The following SSBP3 variants were observed in gnomAD, a reference collection of about 807,000 sequenced individuals.
SSBP3 encodes single stranded DNA binding protein 3.
SSBP3 carries 5 observed loss-of-function variants against 69.6 expected under a neutral mutation model. That is an observed-to-expected ratio of 0.07 (90% CI 0.04 to 0.15). SSBP3 has a LOEUF of 0.15. SSBP3 is among the 10% of genes least tolerant of loss of function. SSBP3 has a pLI of 1.00. For synonymous variants in SSBP3, 196 were observed against 193.4 expected (o/e 1.01, Z -0.11); for missense variants, 312 against 534.0 (o/e 0.58, Z 4.10).
chr1:54,238,162 G>A (rs961534082), intron 14 of SSBP3: 1 of 470,950 alleles, frequency 2.1e-6, no homozygotes, highest in Non-Finnish European at 4.4e-6. Context: ...TCAGAGGGCT[G>A]CTGGATGTAG....
chr1:54,296,007 A>G (rs539707622), intron 4 of SSBP3, among the ~76,000 whole-genome samples: 5 of 152,244 alleles, frequency 3.3e-5, no homozygotes, highest in Non-Finnish European at 7.3e-5. Context: ...GTGGAATCCA[A>G]ATATTTGTAA....
intron 10 of SSBP3, 32 bp downstream of exon 10, chr1:54,243,203 C>CT: frequency 6.2e-7 from 1 of 1,610,442 alleles, no homozygotes; most frequent in Non-Finnish European, 8.5e-7. Context: ...GACCTGGACT[C>CT]TGAGCCACGG....
At chr1:54,297,623 T>G (rs1645725269) in intron 4 of SSBP3, among the ~76,000 whole-genome samples, 2 of 152,046 alleles carry the variant, frequency 1.3e-5, no homozygotes, top group Non-Finnish European at 2.9e-5. Context: ...AGAGTGAGAC[T>G]TTGTCTCAAA....
intron 12 of SSBP3, 142 bp from the exon 13 acceptor site, chr1:54,241,101 C>T: frequency 2.3e-6 from 2 of 879,242 alleles, no homozygotes; most frequent in South Asian, 3.5e-5. Context: ...CCAGCGCTCA[C>T]TCAAAGTACT....
chr1:54,278,303 T>C (rs1645328285), intron 5 of SSBP3, among the ~76,000 whole-genome samples: 1 of 150,908 alleles, frequency 6.6e-6, no homozygotes, highest in Non-Finnish European at 1.5e-5. Flanking sequence ...ATATGCCAGG[T>C]GCTGGGGATG....
chr1:54,374,210 G>T (rs924995784), intron 4 of SSBP3, among the ~76,000 whole-genome samples: 3 of 152,228 alleles, frequency 2.0e-5, no homozygotes, highest in Admixed American at 1.3e-4. Context: ...AGGTGCGCGG[G>T]AATGTGTGCG....
intron 4 of SSBP3, among the ~76,000 whole-genome samples, chr1:54,302,513 T>A (rs560069504): frequency 6.4e-4 from 98 of 152,266 alleles, no homozygotes; most frequent in Non-Finnish European, 1.3e-3. Flanking sequence ...GGTTTCATCA[T>A]GTTGGCCAGG....
intron 4 of SSBP3, among the ~76,000 whole-genome samples, chr1:54,298,127 C>T (rs974701946): frequency 2.0e-5 from 3 of 152,164 alleles, no homozygotes; most frequent in Non-Finnish European, 1.5e-5. Flanking sequence ...CAGGTATGGG[C>T]CCAGATTTAA....
chr1:54,410,324 G>C (rs1166305924), upstream of SSBP3, among the ~76,000 whole-genome samples: 1 of 152,218 alleles, frequency 6.6e-6, no homozygotes, highest in Non-Finnish European at 1.5e-5. Flanking sequence ...TGGGGTCCAG[G>C]CCTCCAGAAG....
chr1:54,303,733 A>G (rs963700366), intron 4 of SSBP3, among the ~76,000 whole-genome samples: 7 of 152,268 alleles, frequency 4.6e-5, no homozygotes, highest in African/African-American at 1.7e-4. Context: ...GAGACGCACC[A>G]TAAGCATAAA....
chr1:54,413,294 A>T (rs1025984497), intron 1 of SSBP3: 1 of 152,138 alleles, frequency 6.6e-6, no homozygotes, highest in South Asian at 2.1e-4. Flanking sequence ...ATACAGTGTT[A>T]CCTAACACAC....
chr1:54,333,184 G>T (rs1029347136), intron 4 of SSBP3, among the ~76,000 whole-genome samples: 1 of 152,164 alleles, frequency 6.6e-6, no homozygotes, highest in African/African-American at 2.4e-5. Flanking sequence ...AGCTACGTGG[G>T]TGTGCCTGGA....
At chr1:54,397,947 C>T (rs1272604868) in intron 4 of SSBP3, among the ~76,000 whole-genome samples, 2 of 152,208 alleles carry the variant, frequency 1.3e-5, no homozygotes, top group East Asian at 3.8e-4. Flanking sequence ...CCGTTCAATT[C>T]TGTTAAGTTC....
chr1:54,384,986 G>A lies in SSBP3; in HGVS notation c.276+16875C>T, dbSNP rs964150884. Among the ~76,000 whole-genome samples the A allele has an allele frequency of 3.9e-5, 6 of 152,178 alleles. No homozygotes were observed. The South Asian group carries it at 6.2e-4, about 16-fold the overall frequency. On this transcript the variant is annotated intron_variant, in intron 4 of 17. Coordinates refer to ENST00000610401, the Ensembl canonical transcript of SSBP3. The stretch of plus-strand genomic sequence containing the variant: ...TCTCTGGCTAATGGTGGCCCCAGCT[G>A]CCTGTCCACGTCTCCAGAGTAGGCC...
intron 4 of SSBP3, among the ~76,000 whole-genome samples, chr1:54,346,517 A>G (rs1020973409): frequency 6.6e-6 from 1 of 152,090 alleles, no homozygotes; most frequent in South Asian, 2.1e-4. Flanking sequence ...GCTCTTATTT[A>G]GAAATACAGT....
intron 4 of SSBP3, among the ~76,000 whole-genome samples, chr1:54,282,771 C>A (rs1265893627): frequency 6.6e-6 from 1 of 152,218 alleles, no homozygotes; most frequent in African/African-American, 2.4e-5. Flanking sequence ...AGGAAGCCCA[C>A]CTCCAACCTT....
chr1:54,406,724 G>A (rs984668679), upstream of SSBP3, among the ~76,000 whole-genome samples: 29 of 152,082 alleles, frequency 1.9e-4, no homozygotes, highest in African/African-American at 5.8e-4. Context: ...TCCCCGCGGC[G>A]TGGACCACTG....
chr1:54,304,673 C>T (rs986322716), intron 4 of SSBP3, among the ~76,000 whole-genome samples: 11 of 152,270 alleles, frequency 7.2e-5, no homozygotes, highest in East Asian at 1.9e-4. Context: ...CACAGTCCAG[C>T]GGGGTCACTG....
chr1:54,336,876 C>T (rs1289205927), intron 4 of SSBP3, among the ~76,000 whole-genome samples: 3 of 152,162 alleles, frequency 2.0e-5, no homozygotes, highest in Non-Finnish European at 4.4e-5. Flanking sequence ...TAGCCAGCTC[C>T]CCAAGGACAG....
Sources: gnomAD v4.1 joint callset for allele counts (sites outside exome capture counted in the v4.1 genomes callset) on GRCh38, gnomAD v4.1.1 for gene constraint, MANE v1.5 for transcripts, NCBI Gene and HGNC (gene_info 2026-07-23, HGNC 2026-07-21) for gene names.